The following NEK1 variants were observed in gnomAD, a reference collection of about 807,000 sequenced individuals.
NEK1 encodes the protein NIMA related kinase 1.
NEK1 carries 137 observed loss-of-function variants against 182.1 expected under a neutral mutation model. The observed-to-expected ratio is 0.75, with a 90% CI of 0.65 to 0.87. The LOEUF (loss-of-function observed/expected upper bound fraction) is 0.87. Ranked by LOEUF, NEK1 falls within the 40% of genes least tolerant of loss-of-function variation. The pLI, the probability that NEK1 is intolerant of heterozygous loss-of-function variation, is 0.00. For missense variants in NEK1, 1,391 were observed against 1,494.4 expected (o/e 0.93, Z 1.14); for synonymous variants, 513 against 492.2 (o/e 1.04, Z -0.56).
At position 169,402,237 on chromosome 4, in the gene NEK1, A is replaced by G. The variant is rs181173161; in HGVS notation, c.3375-377T>C. 3.0e-4 allele frequency among the ~76,000 whole-genome samples: 45 copies of G among 152,362 alleles called. 1 individual carries two copies. The highest frequency in any genetic ancestry group is 2.6e-3 in the Admixed American group (40 of 15,304). On this transcript the variant is annotated intron_variant, in intron 32 of 35. Coordinates refer to ENST00000507142, the MANE Select transcript of NEK1 (RefSeq NM_001199397.3). ...CTATAGAAGTTTTTCTAAAACAAAT[A>G]ATAGTAAATTATTTTCTCTTTTATG...
chr4:169,498,728 T>C (rs994416180), intron 23 of NEK1, among the ~76,000 whole-genome samples: 12 of 152,232 alleles, frequency 7.9e-5, no homozygotes, highest in Admixed American at 7.2e-4. Context: ...TGTTGAATAA[T>C]GGCCCCCACT....
At position 169,526,793 on chromosome 4, in the gene NEK1, C is replaced by T. The variant is rs968500096; in HGVS notation, c.1665+11016G>A. Among the ~76,000 whole-genome samples, 6 of 152,114 alleles carry T rather than the reference C, an allele frequency of 3.9e-5. No homozygotes were observed. The South Asian group carries it at 8.3e-4, about 21-fold the overall frequency. Reference sequence around the variant, plus strand: ...GGTTTAAGACCTGAATCTGTTAGAACCTCTTTAAAAGCTTTACAAACCTGT... The same window carrying T: ...GGTTTAAGACCTGAATCTGTTAGAATCTCTTTAAAAGCTTTACAAACCTGT... On this transcript the variant is annotated intron_variant, in intron 19 of 35. Coordinates refer to ENST00000507142, the MANE Select transcript of NEK1 (RefSeq NM_001199397.3).
chr4:169,424,823 T>C (rs371812944), intron 30 of NEK1, 23 bp from the exon 31 acceptor site: 1 of 1,593,344 alleles, frequency 6.3e-7, no homozygotes, highest in Non-Finnish European at 8.6e-7. Context: ...GGAGAGATTA[T>C]GTGGTAAGTC....
At chr4:169,605,275 C>T (rs2150151057) in intron 2 of NEK1, among the ~76,000 whole-genome samples, 1 of 152,242 alleles carries the variant, frequency 6.6e-6, no homozygotes, top group East Asian at 1.9e-4. Flanking sequence ...CTGCCAACAA[C>T]ATTACTGAAC....
chr4:169,437,387 G>A (rs564699830), intron 28 of NEK1, among the ~76,000 whole-genome samples: 1 of 152,226 alleles, frequency 6.6e-6, no homozygotes, highest in Non-Finnish European at 1.5e-5. Flanking sequence ...TTTTGCATAT[G>A]GGAGGAATGA....
chr4:169,490,174 T>A (rs539144741), intron 23 of NEK1, among the ~76,000 whole-genome samples: 122 of 152,240 alleles, frequency 8.0e-4, no homozygotes, highest in Middle Eastern at 3.4e-3. Context: ...CTGCAGCCAT[T>A]ACTCAAATTG....
intron 19 of NEK1, among the ~76,000 whole-genome samples, chr4:169,533,325 T>G (rs552975491): frequency 9.9e-5 from 15 of 152,208 alleles, no homozygotes; most frequent in Non-Finnish European, 1.2e-4. Flanking sequence ...GAGAACAGAT[T>G]GTGGCACTAG....
At chr4:169,544,613 T>G (rs1218000145) in intron 18 of NEK1, among the ~76,000 whole-genome samples, 9 of 147,052 alleles carry the variant, frequency 6.1e-5, no homozygotes, top group East Asian at 6.0e-4. Flanking sequence ...TTTTTTTTTT[T>G]TTTTTTTTTT....
At chr4:169,515,255 C>G (rs1429654998) in intron 19 of NEK1, among the ~76,000 whole-genome samples, 2 of 151,896 alleles carry the variant, frequency 1.3e-5, no homozygotes, top group African/African-American at 4.8e-5. Context: ...GTGTATTTTG[C>G]TATTGTGGAG....
At position 169,483,302 on chromosome 4, in the gene NEK1, T is replaced by C. The variant is rs181085430; in HGVS notation, c.2008-3768A>G. Among the ~76,000 whole-genome samples the C allele has an allele frequency of 3.9e-5, 6 of 152,222 alleles. No individual in the cohort carries two copies. In the East Asian group the frequency reaches 5.8e-4, roughly 15 times the overall value. On this transcript the variant is annotated intron_variant, in intron 23 of 35. Coordinates refer to ENST00000507142, the MANE Select transcript of NEK1 (RefSeq NM_001199397.3). ...AATTACAACAGTAATATCAAAGATA[T>C]AATGACAATAATGAAAAAGTTTGAA...
intron 33 of NEK1, 151 bp downstream of exon 33, chr4:169,401,501 G>T (rs895960256): frequency 6.9e-5 from 34 of 496,132 alleles, no homozygotes; most frequent in Admixed American, 1.9e-4. Flanking sequence ...TGTATGAAAA[G>T]AAAAAGAATG....
At chr4:169,481,211 C>T (rs1157236119) in intron 23 of NEK1, among the ~76,000 whole-genome samples, 1 of 152,200 alleles carries the variant, frequency 6.6e-6, no homozygotes, top group Non-Finnish European at 1.5e-5. Flanking sequence ...CTGACTTCCT[C>T]CACTGAAATC....
At chr4:169,485,550 C>G (rs1052636339) in intron 23 of NEK1, among the ~76,000 whole-genome samples, 1 of 152,014 alleles carries the variant, frequency 6.6e-6, no homozygotes, top group Admixed American at 6.6e-5. Flanking sequence ...TTACACTAAG[C>G]CTTTTATACG....
At chr4:169,588,882 C>A in intron 7 of NEK1, 147 bp from the exon 8 acceptor site, 1 of 621,580 alleles carries the variant, frequency 1.6e-6, no homozygotes, top group Non-Finnish European at 2.9e-6. Flanking sequence ...CCTAGTGACA[C>A]GGTGACTGAC....
chr4:169,549,729 T>G (rs1253948656), intron 18 of NEK1, among the ~76,000 whole-genome samples: 1 of 151,818 alleles, frequency 6.6e-6, no homozygotes, highest in Non-Finnish European at 1.5e-5. Context: ...GGTCTTTTTT[T>G]GTTTGTTTAA....
intron 27 of NEK1, among the ~76,000 whole-genome samples, chr4:169,460,087 G>A (rs1489094810): frequency 6.6e-6 from 1 of 152,098 alleles, no homozygotes; most frequent in African/African-American, 2.4e-5. Context: ...CTCTGGTGTG[G>A]GCTATTGATG....
chr4:169,538,601 T>G (rs550517098), intron 18 of NEK1, among the ~76,000 whole-genome samples: 1 of 152,308 alleles, frequency 6.6e-6, no homozygotes, highest in East Asian at 1.9e-4. Flanking sequence ...TTAGTTACCT[T>G]GCTAAGTATG....
chr4:169,399,804 G>A (rs1366931416), intron 35 of NEK1, among the ~76,000 whole-genome samples: 1 of 151,708 alleles, frequency 6.6e-6, no homozygotes, highest in Non-Finnish European at 1.5e-5. Flanking sequence ...ATTTTTTTGT[G>A]TGTAGAGATA....
chr4:169,476,437 G>T (rs1580005702), intron 26 of NEK1, among the ~76,000 whole-genome samples: 1 of 152,220 alleles, frequency 6.6e-6, no homozygotes, highest in East Asian at 1.9e-4. Context: ...CATTGCTTAA[G>T]AGTGTATTAC....
Sources: gnomAD v4.1 joint callset for allele counts (sites outside exome capture counted in the v4.1 genomes callset) on GRCh38, gnomAD v4.1.1 for gene constraint, MANE v1.5 for transcripts, NCBI Gene and HGNC (gene_info 2026-07-23, HGNC 2026-07-21) for gene names.